The following ATP10A variants were observed in gnomAD, a reference collection of about 807,000 sequenced individuals.
ATP10A encodes phospholipid-transporting ATPase VA.
ATP10A carries 111 observed loss-of-function variants against 147.8 expected under a neutral mutation model. The observed-to-expected ratio is 0.75, with a 90% CI of 0.64 to 0.88. The LOEUF (loss-of-function observed/expected upper bound fraction) is 0.88, where lower values mean the gene tolerates loss of function less well. Among genes scored for constraint, ATP10A ranks in the 40% least tolerant of loss-of-function variants. The probability of loss-of-function intolerance (pLI) is 0.00; values close to 1 mark genes in which losing one functional copy is unlikely to be tolerated. For missense variants in ATP10A, 1,927 were observed against 1,959.0 expected (o/e 0.98, Z 0.31); for synonymous variants, 875 against 841.6 (o/e 1.04, Z -0.69).
intron 1 of ATP10A, among the ~76,000 whole-genome samples, chr15:25,830,619 T>C (rs1241642035): frequency 6.6e-6 from 1 of 152,104 alleles, no homozygotes; most frequent in African/African-American, 2.4e-5. Context: ...CCACATGATC[T>C]CTTAACAGCC....
intron 2 of ATP10A, chr15:25,738,688 C>T (rs1339825380): frequency 2.0e-5 from 3 of 152,170 alleles, no homozygotes; most frequent in African/African-American, 7.2e-5. Flanking sequence ...AAATCTGGCA[C>T]CTTTCAGTAC....
intron 1 of ATP10A, among the ~76,000 whole-genome samples, chr15:25,847,264 G>C (rs1260753205): frequency 6.6e-6 from 1 of 152,160 alleles, no homozygotes; most frequent in Non-Finnish European, 1.5e-5. Flanking sequence ...AACATCTCTT[G>C]GGACCCCAGA....
At chr15:25,784,155 A>G in intron 1 of ATP10A, among the ~76,000 whole-genome samples, 1 of 152,182 alleles carries the variant, frequency 6.6e-6, no homozygotes. Context: ...GAGGACACGA[A>G]GCCATTTGAA....
intron 1 of ATP10A, among the ~76,000 whole-genome samples, chr15:25,831,507 A>C (rs1892354419): frequency 6.6e-6 from 1 of 152,222 alleles, no homozygotes; most frequent in Non-Finnish European, 1.5e-5. Context: ...AATGACTGCC[A>C]CTGACTTAGC....
intron 5 of ATP10A, among the ~76,000 whole-genome samples, chr15:25,724,949 G>A (rs758266861): frequency 9.2e-5 from 14 of 152,146 alleles, no homozygotes; most frequent in African/African-American, 1.4e-4. Context: ...CATTTACATC[G>A]TATTAGGCAT....
intron 1 of ATP10A, among the ~76,000 whole-genome samples, chr15:25,810,701 A>G (rs980162904): frequency 6.6e-6 from 1 of 152,148 alleles, no homozygotes; most frequent in Non-Finnish European, 1.5e-5. Context: ...CGCCCTGGGC[A>G]GGACGAGGAG....
intron 1 of ATP10A, among the ~76,000 whole-genome samples, chr15:25,781,655 A>T (rs78134722): frequency 6.7e-6 from 1 of 149,402 alleles, no homozygotes; most frequent in Non-Finnish European, 1.5e-5. Context: ...ATTCCGTCTC[A>T]AAAAAAAAGA....
At chr15:25,759,559 A>G (rs1888641027) in intron 2 of ATP10A, among the ~76,000 whole-genome samples, 1 of 152,118 alleles carries the variant, frequency 6.6e-6, no homozygotes, top group East Asian at 1.9e-4. Flanking sequence ...TAATCCCAGC[A>G]CTTCTGGAGG....
At chr15:25,756,781 T>A (rs1888439183) in intron 2 of ATP10A, among the ~76,000 whole-genome samples, 2 of 152,268 alleles carry the variant, frequency 1.3e-5, no homozygotes, top group Admixed American at 1.3e-4. Context: ...ACTGGTTTAA[T>A]GTTGCTGGTT....
chr15:25,743,759 T>C (rs1887688820), intron 2 of ATP10A, among the ~76,000 whole-genome samples: 1 of 152,220 alleles, frequency 6.6e-6, no homozygotes, highest in Non-Finnish European at 1.5e-5. Context: ...GCTGTGTTCC[T>C]TTTGGAGGCT....
intron 3 of ATP10A, among the ~76,000 whole-genome samples, chr15:25,728,447 GT>G (rs1255276401): frequency 6.6e-6 from 1 of 152,188 alleles, no homozygotes; most frequent in African/African-American, 2.4e-5. Flanking sequence ...ACGGAGTAAG[GT>G]TTTCCTTTAA....
At chr15:25,750,967 G>C (rs892065717) in intron 2 of ATP10A, among the ~76,000 whole-genome samples, 1 of 152,056 alleles carries the variant, frequency 6.6e-6, no homozygotes, top group Non-Finnish European at 1.5e-5. Flanking sequence ...CAACTAGCAA[G>C]ATGATAGGCT....
chr15:25,747,287 CAAAAAAAA>C (rs34660034), intron 2 of ATP10A, among the ~76,000 whole-genome samples: 10,302 of 113,308 alleles, frequency 0.091, 915 homozygotes, highest in Admixed American at 0.24. Flanking sequence ...AACTCCATCT[CAAAAAAAA>C]AAAAAAAAAA....
intron 12 of ATP10A, among the ~76,000 whole-genome samples, chr15:25,703,243 A>G (rs1303502485): frequency 6.6e-6 from 1 of 152,164 alleles, no homozygotes; most frequent in African/African-American, 2.4e-5. Flanking sequence ...CTGTAATCCC[A>G]GCTGCTCGGG....
Position 25,757,541 on chromosome 15 carries a change from A to G in ATP10A, c.655-21400T>C, listed in dbSNP as rs564646207. ...CAAAGGTTATTTAGAGGTTTTCTTC[A>G]AAATATAGATTTAAGGAGGAAATAG... On this transcript the variant is annotated intron_variant, in intron 2 of 20. Coordinates refer to ENST00000555815, the MANE Select transcript of ATP10A (RefSeq NM_024490.4). 1.9e-4 allele frequency among the ~76,000 whole-genome samples: 29 copies of G among 152,326 alleles called. No individual in the cohort carries two copies. The South Asian group carries it at 5.6e-3, about 29-fold the overall frequency.
At chr15:25,697,987 T>C (rs996057697) in intron 13 of ATP10A, among the ~76,000 whole-genome samples, 2 of 151,770 alleles carry the variant, frequency 1.3e-5, no homozygotes, top group Non-Finnish European at 2.9e-5. Context: ...CTCTTCAAAA[T>C]GGTCAAAATG....
At chr15:25,732,040 G>T (rs932135193) in intron 3 of ATP10A, among the ~76,000 whole-genome samples, 1 of 151,964 alleles carries the variant, frequency 6.6e-6, no homozygotes, top group Non-Finnish European at 1.5e-5. Flanking sequence ...TTTTGTGTGT[G>T]TGTGTGATTT....
chr15:25,725,851 CA>C (rs978211469), intron 5 of ATP10A, 99 bp downstream of exon 5: 64 of 1,379,312 alleles, frequency 4.6e-5, no homozygotes, highest in Non-Finnish European at 5.9e-5. Context: ...CTCCTGACCT[CA>C]AGTGATCTGC....
At chr15:25,826,920 A>G (rs1892140205) in intron 1 of ATP10A, among the ~76,000 whole-genome samples, 1 of 152,254 alleles carries the variant, frequency 6.6e-6, no homozygotes, top group African/African-American at 2.4e-5. Context: ...GATAAACTCA[A>G]AAGAGATCTA....
Sources: allele counts gnomAD v4.1 joint callset (sites outside exome capture counted in the v4.1 genomes callset), GRCh38; gene constraint gnomAD v4.1.1; transcripts MANE v1.5; gene names NCBI Gene and HGNC (gene_info 2026-07-23, HGNC 2026-07-21).